UST: variants seen among roughly 807,000 people sequenced by gnomAD.
UST encodes the protein uronyl 2-sulfotransferase, also known as chondroitin sulfate 2-O-sulfotransferase.
A neutral mutation model predicts 45.6 loss-of-function variants in UST; 21 were observed. The ratio of observed to expected loss-of-function variants is 0.46; its 90% CI spans 0.33 to 0.66. UST has a LOEUF of 0.66. UST is among the 30% of genes least tolerant of loss of function. The pLI, the probability that UST is intolerant of heterozygous loss-of-function variation, is 0.02. For missense variants in UST, 463 were observed against 512.4 expected (o/e 0.90, Z 0.93); for synonymous variants, 215 against 200.6 (o/e 1.07, Z -0.61).
At chr6:149,066,114 A>C (rs1270359262) in intron 7 of UST, 5 of 152,474 alleles carry the variant, frequency 3.3e-5, no homozygotes, top group African/African-American at 1.2e-4. Flanking sequence ...CCAGGAAAAC[A>C]CTGTTGCAGA....
rs145048089 is a variant in UST at position 148,931,867 on chromosome 6, G to A, written c.292-9412G>A. On this transcript the variant is annotated intron_variant, in intron 2 of 7. Coordinates refer to ENST00000367463, the MANE Select transcript of UST (RefSeq NM_005715.3). The stretch of plus-strand genomic sequence containing the variant: ...CCTCTTAGAAGAGTGGACAGAAGCC[G>A]CCAAGCACAAGTGCAGTAGGGCTAC... Among the ~76,000 whole-genome samples, 5 of 152,308 alleles carry A rather than the reference G, an allele frequency of 3.3e-5. 1 individual carries two copies. The East Asian group carries it at 5.8e-4, about 18-fold the overall frequency.
At chr6:148,981,864 A>G (rs1017288832) in intron 5 of UST, among the ~76,000 whole-genome samples, 1 of 152,110 alleles carries the variant, frequency 6.6e-6, no homozygotes, top group Non-Finnish European at 1.5e-5. Context: ...ATGTGTCTTT[A>G]TCTGTTTGTG....
chr6:149,045,480 C>T (rs1776383396), intron 7 of UST, among the ~76,000 whole-genome samples: 1 of 152,140 alleles, frequency 6.6e-6, no homozygotes, highest in South Asian at 2.1e-4. Context: ...AGATGATGTG[C>T]CCAACCCTGC....
At chr6:149,032,752 T>A (rs893116500) in intron 7 of UST, among the ~76,000 whole-genome samples, 5 of 152,212 alleles carry the variant, frequency 3.3e-5, no homozygotes, top group Non-Finnish European at 7.3e-5. Flanking sequence ...CCTCTGTGTC[T>A]ACCCCAGTTA....
At chr6:148,811,442 T>C (rs771179847) in intron 1 of UST, among the ~76,000 whole-genome samples, 2 of 152,208 alleles carry the variant, frequency 1.3e-5, no homozygotes, top group Non-Finnish European at 2.9e-5. Context: ...CTCAATGTCT[T>C]ATAGCAAAAA....
intron 1 of UST, among the ~76,000 whole-genome samples, chr6:148,751,540 G>C (rs1480569427): frequency 6.6e-6 from 1 of 152,198 alleles, no homozygotes; most frequent in Non-Finnish European, 1.5e-5. Context: ...GTTCTACTTA[G>C]AGAATGTTCT....
chr6:148,895,228 G>A lies in UST; in HGVS notation c.291+8199G>A, dbSNP rs570770719. Among the ~76,000 whole-genome samples, 6 of 151,988 alleles carry A rather than the reference G, an allele frequency of 3.9e-5. No homozygotes were observed. In the East Asian group the frequency reaches 9.7e-4, roughly 24 times the overall value. On this transcript the variant is annotated intron_variant, in intron 2 of 7. Transcript: ENST00000367463. ...TCTCATGTTTTTAGCTGTGTTATTA[G>A]CCCCAACATTCTCTCCAATTTCTTC...
chr6:148,909,760 TATATGA>T (rs1779438421), intron 2 of UST, among the ~76,000 whole-genome samples: 1 of 152,196 alleles, frequency 6.6e-6, no homozygotes, highest in Admixed American at 6.5e-5. Flanking sequence ...TCGAAGTATC[TATATGA>T]AGATAAATCT....
intron 5 of UST, among the ~76,000 whole-genome samples, chr6:148,982,379 A>G (rs7744025): frequency 0.054 from 8,163 of 152,168 alleles, 584 homozygotes; most frequent in African/African-American, 0.16. Flanking sequence ...GATTACTGGC[A>G]TGAACCACTG....
chr6:148,977,661 A>G (rs1582939100), intron 5 of UST, among the ~76,000 whole-genome samples: 1 of 149,718 alleles, frequency 6.7e-6, no homozygotes. Flanking sequence ...CTGAGGCAGG[A>G]GAATGGTGTG....
At chr6:149,056,117 C>CTTTTT (rs34191810) in intron 7 of UST, among the ~76,000 whole-genome samples, 1,893 of 81,112 alleles carry the variant, frequency 0.023, 3 homozygotes, top group Middle Eastern at 0.03. Context: ...CTTTTCTTTT[C>CTTTTT]TTTTTTTTTT....
chr6:149,015,528 C>T (rs530290153), intron 5 of UST, among the ~76,000 whole-genome samples: 11 of 152,266 alleles, frequency 7.2e-5, no homozygotes, highest in Middle Eastern at 3.4e-3. Context: ...AGGAGCAAGT[C>T]GTAGATCAGG....
chr6:148,814,572 G>A (rs1042294692), intron 1 of UST, among the ~76,000 whole-genome samples: 5 of 152,094 alleles, frequency 3.3e-5, no homozygotes, highest in African/African-American at 1.2e-4. Context: ...TGACATCAGG[G>A]TTATGGCTCT....
At chr6:148,895,372 A>G (rs1372147491) in intron 2 of UST, among the ~76,000 whole-genome samples, 1 of 152,208 alleles carries the variant, frequency 6.6e-6, no homozygotes, top group African/African-American at 2.4e-5. Flanking sequence ...AGACAAAGTT[A>G]CCGAAGAGAG....
At chr6:148,887,505 T>G (rs1582878611) in intron 2 of UST, among the ~76,000 whole-genome samples, 3 of 152,356 alleles carry the variant, frequency 2.0e-5, no homozygotes, top group African/African-American at 4.8e-5. Flanking sequence ...AGTCCACTTT[T>G]GTTTTTCCTG....
At chr6:148,983,454 G>GA (rs1275563029) in intron 5 of UST, among the ~76,000 whole-genome samples, 97 of 150,740 alleles carry the variant, frequency 6.4e-4, no homozygotes, top group African/African-American at 2.0e-3. Context: ...TTGATAAAAG[G>GA]AAAAAAAAAT....
chr6:149,074,236 C>T lies in UST; in HGVS notation c.*120C>T, dbSNP rs1034158349. 8.7e-7 allele frequency: 1 copy of T among 1,149,858 alleles called. No homozygotes were observed. Among genetic ancestry groups the T allele is most frequent in the African/African-American group, 1.6e-5 (1 of 64,122 alleles). 71.2% of individuals were successfully genotyped at this position (1,149,858 alleles called of 1,614,324 possible). A position where few individuals can be genotyped will look rare whatever the true frequency, so the allele number is the denominator to read the frequency against. On this transcript the variant is annotated 3_prime_UTR_variant, in exon 8 of 8. Transcript: ENST00000367463. ...GTGCATTAAAAAGAACAAAACATTC[C>T]CACATGTTGGGGTCATTGGGAGATG...
chr6:148,999,965 G>A (rs1781516714), intron 5 of UST, among the ~76,000 whole-genome samples: 1 of 152,194 alleles, frequency 6.6e-6, no homozygotes, highest in African/African-American at 2.4e-5. Context: ...TATAAAATAA[G>A]AACATCCTCA....
intron 1 of UST, among the ~76,000 whole-genome samples, chr6:148,752,214 G>T (rs540018691): frequency 6.6e-6 from 1 of 152,280 alleles, no homozygotes; most frequent in East Asian, 1.9e-4. Flanking sequence ...GCATTTAAAG[G>T]AAAATGTGAA....
Sources: gnomAD v4.1 joint callset for allele counts (sites outside exome capture counted in the v4.1 genomes callset) on GRCh38, gnomAD v4.1.1 for gene constraint, MANE v1.5 for transcripts, NCBI Gene and HGNC (gene_info 2026-07-23, HGNC 2026-07-21) for gene names.